The following NAV2 variants were observed in gnomAD, a reference collection of about 807,000 sequenced individuals.
NAV2 encodes helicase, APC down-regulated 1.
NAV2 carries 54 observed loss-of-function variants against 223.2 expected under a neutral mutation model. The ratio of observed to expected loss-of-function variants is 0.24; its 90% confidence interval spans 0.19 to 0.30. The LOEUF (loss-of-function observed/expected upper bound fraction) is 0.30, where lower values mean the gene tolerates loss of function less well. NAV2 is among the 10% of genes least tolerant of loss of function. NAV2 has a pLI of 1.00. For missense variants in NAV2, 2,806 were observed against 3,147.5 expected (o/e 0.89, Z 2.60); for synonymous variants, 1,279 against 1,239.3 (o/e 1.03, Z -0.67).
intron 1 of NAV2, among the ~76,000 whole-genome samples, chr11:19,417,712 C>G (rs959846715): frequency 1.3e-5 from 2 of 152,186 alleles, no homozygotes; most frequent in Admixed American, 6.5e-5. Flanking sequence ...GGAACCAACC[C>G]AAATGCCGAC....
At chr11:20,083,835 A>G (rs553677497) in intron 26 of NAV2, among the ~76,000 whole-genome samples, 1 of 152,344 alleles carries the variant, frequency 6.6e-6, no homozygotes, top group Non-Finnish European at 1.5e-5. Context: ...ACTATGCATG[A>G]AGGGCCTTTT....
intron 14 of NAV2, among the ~76,000 whole-genome samples, 155 bp downstream of exon 14, chr11:20,045,825 A>G (rs1296336775): frequency 2.0e-5 from 3 of 152,204 alleles, no homozygotes; most frequent in Non-Finnish European, 4.4e-5. Flanking sequence ...TTTGCAGTTG[A>G]CTATTTTCCC....
At chr11:19,631,825 G>C (rs1294909352) in intron 1 of NAV2, among the ~76,000 whole-genome samples, 1 of 152,246 alleles carries the variant, frequency 6.6e-6, no homozygotes, top group African/African-American at 2.4e-5. Flanking sequence ...GGCAAGGATT[G>C]CTCAGTGATT....
At chr11:19,378,306 T>C (rs1050449930) in intron 1 of NAV2, among the ~76,000 whole-genome samples, 1 of 152,148 alleles carries the variant, frequency 6.6e-6, no homozygotes, top group East Asian at 1.9e-4. Flanking sequence ...CGTCCAGTCG[T>C]CACCACCTTG....
intron 11 of NAV2, among the ~76,000 whole-genome samples, chr11:20,021,487 C>T (rs1331103262): frequency 3.9e-5 from 6 of 152,162 alleles, no homozygotes; most frequent in African/African-American, 1.4e-4. Context: ...CACACAATCA[C>T]CATCCCATTC....
chr11:19,525,896 T>G (rs528397731), intron 1 of NAV2, among the ~76,000 whole-genome samples: 34 of 152,164 alleles, frequency 2.2e-4, no homozygotes, highest in African/African-American at 8.0e-4. Context: ...GAAAAACCAG[T>G]CTTCAGGCTT....
At chr11:19,749,579 T>C (rs1376725016) in intron 1 of NAV2, among the ~76,000 whole-genome samples, 1 of 152,166 alleles carries the variant, frequency 6.6e-6, no homozygotes, top group East Asian at 1.9e-4. Flanking sequence ...ATGGGAACAA[T>C]ATCTGACCCA....
Position 19,879,968 on chromosome 11 carries a change from C to T in NAV2, c.611C>T (p.Ser204Leu). The change falls in exon 5 of 38, where the codon TCA becomes TTA. Residue 204 changes from serine to leucine, a missense_variant. By Grantham distance (145) the Ser-to-Leu change is moderately radical (BLOSUM62 -2). Around this residue, in one of 4 missense-constraint regions of NAV2, gnomAD observed 1,167 missense variants for 1,180.5 expected, o/e 0.99. Transcript: ENST00000349880. ...QQQPQKQHLS[S>L]PLPPAVSQVA... is the part of the protein sequence containing the mutation. The stretch of plus-strand genomic sequence containing the variant: ...CAGCCCCAGAAGCAGCACCTCTCCT[C>T]ACCTCTGCCGCCCGCCGTATCCCAG... 2 of 1,613,142 alleles carry T rather than the reference C, an allele frequency of 1.2e-6. No individual in the cohort carries two copies. Among genetic ancestry groups the T allele is most frequent in the Non-Finnish European group, 8.5e-7 (1 of 1,179,708 alleles).
At chr11:19,940,488 A>G (rs2046317341) in intron 8 of NAV2, among the ~76,000 whole-genome samples, 1 of 152,186 alleles carries the variant, frequency 6.6e-6, no homozygotes, top group Non-Finnish European at 1.5e-5. Flanking sequence ...TCCCCATTCC[A>G]AAACTCTGTG....
At chr11:20,015,430 A>G (rs2053922332) in intron 11 of NAV2, among the ~76,000 whole-genome samples, 1 of 152,168 alleles carries the variant, frequency 6.6e-6, no homozygotes, top group Admixed American at 6.5e-5. Context: ...GTCAACTTTC[A>G]CCATTGCACA....
Position 19,935,864 on chromosome 11 carries a change from T to TTTTTTTTTTTGTTTG in NAV2, c.2033+1597_2033+1598insGTTTGTTTTTTTTTT, listed in dbSNP as rs1555156834. On this transcript the variant is annotated intron_variant, in intron 7 of 37. Coordinates refer to ENST00000349880, the MANE Select transcript of NAV2 (RefSeq NM_145117.5). ...TGTTTTGTTTCTGTTTTTTTTTTTT[T>TTTTTTTTTTTGTTTG]TTTTTTTTTTTGAGATGGAGTGTCG... 3.2e-3 allele frequency among the ~76,000 whole-genome samples: 321 copies of TTTTTTTTTTTGTTTG among 101,170 alleles called. 5 individuals are homozygous for TTTTTTTTTTTGTTTG. The highest frequency in any genetic ancestry group is 9.5e-3 in the African/African-American group (271 of 28,652). The allele number at this position is 101,170 out of a possible 152,430, so 66.4% of individuals were successfully genotyped here. A position where few individuals can be genotyped will look rare whatever the true frequency, so the allele number is the denominator to read the frequency against.
At chr11:19,452,713 A>G (rs1367372541) in intron 1 of NAV2, among the ~76,000 whole-genome samples, 2 of 152,254 alleles carry the variant, frequency 1.3e-5, no homozygotes, top group South Asian at 2.1e-4. Context: ...ATTTTATAAT[A>G]AGGTGTGAAT....
chr11:19,761,056 A>T (rs984721123), intron 1 of NAV2, among the ~76,000 whole-genome samples: 3 of 152,134 alleles, frequency 2.0e-5, no homozygotes, highest in African/African-American at 4.8e-5. Flanking sequence ...CTTTGTTGAG[A>T]TGGAGGCCAG....
chr11:19,683,813 C>T (rs556376202), intron 1 of NAV2, among the ~76,000 whole-genome samples: 11 of 152,336 alleles, frequency 7.2e-5, no homozygotes, highest in South Asian at 4.1e-4. Context: ...ATTTCACCAA[C>T]GCCCAGAGGA....
chr11:19,976,942 G>A (rs531016926), intron 10 of NAV2, among the ~76,000 whole-genome samples: 39 of 152,300 alleles, frequency 2.6e-4, no homozygotes, highest in African/African-American at 6.5e-4. Context: ...TTTTACTCAC[G>A]ATGTACATTG....
chr11:19,590,528 C>T (rs1001320547), intron 1 of NAV2, among the ~76,000 whole-genome samples: 2 of 152,146 alleles, frequency 1.3e-5, no homozygotes, highest in African/African-American at 2.4e-5. Context: ...AGGTCCTTTT[C>T]GGTTGCTCCT....
chr11:20,070,974 A>G (rs1323076669), intron 22 of NAV2, among the ~76,000 whole-genome samples: 2 of 151,906 alleles, frequency 1.3e-5, no homozygotes, highest in Non-Finnish European at 2.9e-5. Flanking sequence ...TTTTTATTAT[A>G]CTTTAAGTTC....
intron 1 of NAV2, among the ~76,000 whole-genome samples, chr11:19,494,674 C>T (rs192015058): frequency 6.6e-6 from 1 of 152,282 alleles, no homozygotes; most frequent in East Asian, 1.9e-4. Context: ...AAGACCCCAC[C>T]CCGGGTTTCC....
chr11:20,019,395 G>A (rs1007814746), intron 11 of NAV2, among the ~76,000 whole-genome samples: 1 of 152,108 alleles, frequency 6.6e-6, no homozygotes, highest in Non-Finnish European at 1.5e-5. Flanking sequence ...TTTGGGAGTG[G>A]GGGTGCGGAC....
Sources: gnomAD v4.1 joint callset for allele counts (sites outside exome capture counted in the v4.1 genomes callset) on GRCh38, gnomAD v4.1.1 for gene constraint, gnomAD v4.1.1 regional missense constraint, MANE v1.5 for transcripts, NCBI Gene and HGNC (gene_info 2026-07-23, HGNC 2026-07-21) for gene names.